The following HS2ST1 variants were observed in gnomAD, a reference collection of about 807,000 sequenced individuals.
The protein encoded by HS2ST1 is 2-O-sulfotransferase.
A neutral mutation model predicts 42.9 loss-of-function variants in HS2ST1; 18 were observed. That is an observed-to-expected ratio of 0.42 (90% CI 0.29 to 0.62). The LOEUF (loss-of-function observed/expected upper bound fraction) is 0.62. HS2ST1 is among the 20% of genes least tolerant of loss of function. The pLI is 0.21. For missense variants in HS2ST1, 334 were observed against 433.8 expected (o/e 0.77, Z 2.04); for synonymous variants, 146 against 152.9 (o/e 0.95, Z 0.33).
chr1:87,036,744 C>T (rs529356856), intron 1 of HS2ST1, among the ~76,000 whole-genome samples: 1 of 152,216 alleles, frequency 6.6e-6, no homozygotes, highest in South Asian at 2.1e-4. Context: ...ATGACAATGT[C>T]AACATTGCAC....
chr1:87,063,818 T>C (rs1347889018), intron 1 of HS2ST1, among the ~76,000 whole-genome samples: 1 of 152,240 alleles, frequency 6.6e-6, no homozygotes, highest in Non-Finnish European at 1.5e-5. Context: ...CTTGATTGTC[T>C]TTATTCATTG....
chr1:86,993,667 C>CA (rs1364839200), intron 1 of HS2ST1, among the ~76,000 whole-genome samples: 1 of 152,040 alleles, frequency 6.6e-6, no homozygotes. Context: ...CTCTTGAAAA[C>CA]AAAAGTCAGA....
intron 1 of HS2ST1, among the ~76,000 whole-genome samples, chr1:86,997,216 G>A (rs1649128277): frequency 6.6e-6 from 1 of 152,138 alleles, no homozygotes; most frequent in Non-Finnish European, 1.5e-5. Context: ...GGGGTGAGAG[G>A]AGAACTGCAG....
intron 1 of HS2ST1, among the ~76,000 whole-genome samples, chr1:86,971,588 T>C (rs1348404039): frequency 2.0e-5 from 3 of 152,152 alleles, no homozygotes; most frequent in African/African-American, 7.2e-5. Flanking sequence ...GATAGCTTCT[T>C]TACACGTCCA....
At chr1:87,041,946 T>TA (rs1400050394) in intron 1 of HS2ST1, among the ~76,000 whole-genome samples, 3 of 152,204 alleles carry the variant, frequency 2.0e-5, no homozygotes, top group African/African-American at 7.2e-5. Context: ...TCAGTTCTTT[T>TA]AAAAAATTAA....
At chr1:86,929,143 T>C (rs1660483381) in intron 1 of HS2ST1, among the ~76,000 whole-genome samples, 2 of 151,916 alleles carry the variant, frequency 1.3e-5, no homozygotes, top group Non-Finnish European at 2.9e-5. Flanking sequence ...TGAAGTTAAA[T>C]GATGTTCAAA....
chr1:87,010,612 A>G (rs1649571142), intron 1 of HS2ST1, among the ~76,000 whole-genome samples: 1 of 152,136 alleles, frequency 6.6e-6, no homozygotes, highest in South Asian at 2.1e-4. Context: ...AGATATTTTC[A>G]TATGTAGACT....
chr1:87,015,653 A>AT (rs1345059377), intron 1 of HS2ST1, among the ~76,000 whole-genome samples: 1 of 149,878 alleles, frequency 6.7e-6, no homozygotes, highest in African/African-American at 2.5e-5. Context: ...AAGCCCTGTT[A>AT]TTTTTTATGT....
At chr1:86,976,285 T>C (rs1300116841) in intron 1 of HS2ST1, among the ~76,000 whole-genome samples, 3 of 152,190 alleles carry the variant, frequency 2.0e-5, no homozygotes, top group Admixed American at 6.5e-5. Flanking sequence ...TTTAGAATTT[T>C]TAAAGTTGTT....
chr1:86,982,825 T>C (rs994668828), intron 1 of HS2ST1, among the ~76,000 whole-genome samples: 2 of 152,206 alleles, frequency 1.3e-5, no homozygotes, highest in Non-Finnish European at 2.9e-5. Context: ...CCATGTCACC[T>C]CTTGAATGCT....
chr1:87,071,688 A>G (rs924542060), intron 1 of HS2ST1, among the ~76,000 whole-genome samples: 1 of 150,788 alleles, frequency 6.6e-6, no homozygotes, highest in Admixed American at 6.6e-5. Context: ...AGTTCGAACC[A>G]CTGTACTCCA....
intron 1 of HS2ST1, among the ~76,000 whole-genome samples, chr1:86,938,831 A>G (rs1274422652): frequency 3.3e-5 from 5 of 152,176 alleles, no homozygotes; most frequent in Non-Finnish European, 7.4e-5. Flanking sequence ...ATTCTTAGAG[A>G]GTCTAGGAAA....
At chr1:86,947,455 T>G (rs1348545330) in intron 1 of HS2ST1, among the ~76,000 whole-genome samples, 1 of 152,256 alleles carries the variant, frequency 6.6e-6, no homozygotes, top group South Asian at 2.1e-4. Context: ...TGCCCTTGTT[T>G]AGTATAGTAA....
intron 1 of HS2ST1, among the ~76,000 whole-genome samples, chr1:86,996,495 A>G (rs910859931): frequency 2.0e-5 from 3 of 151,686 alleles, no homozygotes; most frequent in Admixed American, 6.6e-5. Flanking sequence ...ACTGCCTTTC[A>G]TAAGTATTTG....
At chr1:87,094,885 G>A (rs1286701238) in intron 4 of HS2ST1, among the ~76,000 whole-genome samples, 2 of 152,018 alleles carry the variant, frequency 1.3e-5, no homozygotes, top group East Asian at 1.9e-4. Context: ...GATAACATCA[G>A]CAAAATACTA....
Position 87,064,994 on chromosome 1 carries a change from T to A in HS2ST1, c.125-7940T>A, listed in dbSNP as rs963612623. On this transcript the variant is annotated intron_variant, in intron 1 of 6. Transcript: ENST00000370550. ...GCTAACAATACTCTTAAGAAAATAG[T>A]GTATACAGTCAGACAGTCAATTTAC... is the stretch of plus-strand genomic sequence containing the variant. Among the ~76,000 whole-genome samples the A allele has an allele frequency of 2.0e-5, 3 of 152,132 alleles. No homozygotes were observed. The South Asian group carries it at 6.2e-4, about 32-fold the overall frequency.
chr1:87,050,410 G>A (rs1323235509), intron 1 of HS2ST1, among the ~76,000 whole-genome samples: 1 of 151,084 alleles, frequency 6.6e-6, no homozygotes, highest in Non-Finnish European at 1.5e-5. Flanking sequence ...GTTATCTTAG[G>A]CCACCAAGAA....
chr1:87,021,172 G>A (rs773469700), intron 1 of HS2ST1, among the ~76,000 whole-genome samples: 5 of 152,054 alleles, frequency 3.3e-5, no homozygotes, highest in Non-Finnish European at 7.4e-5. Flanking sequence ...TTACCAGCAG[G>A]CCTTGTCCTT....
intron 1 of HS2ST1, among the ~76,000 whole-genome samples, chr1:86,952,831 A>G (rs1486095045): frequency 6.6e-6 from 1 of 152,184 alleles, no homozygotes; most frequent in Non-Finnish European, 1.5e-5. Context: ...TCGATTTAGC[A>G]TAATTCTTAA....
Sources: gnomAD v4.1 joint callset for allele counts (sites outside exome capture counted in the v4.1 genomes callset) on GRCh38, gnomAD v4.1.1 for gene constraint, MANE v1.5 for transcripts, NCBI Gene and HGNC (gene_info 2026-07-23, HGNC 2026-07-21) for gene names.